Variants in TOX observed in about 807,000 individuals in gnomAD.
TOX encodes thymocyte selection associated high mobility group box, also known as thymocyte selection-associated high mobility group box protein TOX.
A neutral mutation model predicts 53.7 loss-of-function variants in TOX; 11 were observed. The ratio of observed to expected loss-of-function variants is 0.20; its 90% CI spans 0.13 to 0.34. TOX has a LOEUF of 0.34. Among genes scored for constraint, TOX ranks in the 10% least tolerant of loss-of-function variants. TOX has a pLI of 1.00. For synonymous variants in TOX, 225 were observed against 245.3 expected, an observed-to-expected ratio of 0.92 and a Z score of 0.77; for missense variants, 570 against 664.6, an observed-to-expected ratio of 0.86 and a Z score of 1.56.
intron 2 of TOX, among the ~76,000 whole-genome samples, chr8:58,957,551 A>G (rs1812731964): frequency 6.6e-6 from 1 of 152,180 alleles, no homozygotes; most frequent in Non-Finnish European, 1.5e-5. Context: ...GTGTACTTCC[A>G]TTTCTGGAGC....
intron 5 of TOX, 37 bp from the exon 6 acceptor site, chr8:58,826,939 C>A: frequency 6.3e-7 from 1 of 1,584,848 alleles, no homozygotes; most frequent in Admixed American, 1.8e-5. Flanking sequence ...TTAGAAAGTG[C>A]ATTTGCTTTT....
At chr8:59,109,220 C>T (rs10504285) in intron 1 of TOX, among the ~76,000 whole-genome samples, 19,123 of 152,048 alleles carry the variant, frequency 0.13, 1,448 homozygotes, top group East Asian at 0.26. Flanking sequence ...TTGGTACACA[C>T]CTACTTAATT....
intron 1 of TOX, among the ~76,000 whole-genome samples, chr8:59,019,282 T>C (rs911712873): frequency 6.6e-6 from 1 of 152,220 alleles, no homozygotes; most frequent in African/African-American, 2.4e-5. Context: ...GGGTATCATG[T>C]TTTAAACATG....
chr8:58,906,737 ATCTT>A (rs1811821817), intron 3 of TOX, among the ~76,000 whole-genome samples: 1 of 152,186 alleles, frequency 6.6e-6, no homozygotes, highest in Non-Finnish European at 1.5e-5. Flanking sequence ...TCTCAGTGAA[ATCTT>A]TGTCGTTAAC....
At chr8:59,022,698 T>C (rs577428218) in intron 1 of TOX, among the ~76,000 whole-genome samples, 1 of 152,302 alleles carries the variant, frequency 6.6e-6, no homozygotes, top group Admixed American at 6.5e-5. Flanking sequence ...TCATCTAAGA[T>C]GTCTAGGTGG....
At position 59,119,128 on chromosome 8, in the gene TOX, G is replaced by A. The variant is rs1414307497; in HGVS notation, c.-141C>T. On this transcript the variant is annotated 5_prime_UTR_variant, in exon 1 of 9. Transcript: ENST00000361421. ...CCTTCCTTCCCTCACATCCGTTTGT[G>A]GTTTGTTTAAGAAGAAGAGGAAAAA... 13 of 524,434 alleles carry A rather than the reference G, an allele frequency of 2.5e-5. No individual in the cohort carries two copies. The highest frequency in any genetic ancestry group is 2.5e-4 in the African/African-American group (12 of 48,636). 32.5% of individuals were successfully genotyped at this position (524,434 alleles called of 1,614,324 possible).
At chr8:59,052,793 C>T (rs981338487) in intron 1 of TOX, among the ~76,000 whole-genome samples, 1 of 152,246 alleles carries the variant, frequency 6.6e-6, no homozygotes. Context: ...ATATACCTCT[C>T]AAAGTGCTAT....
chr8:58,959,962 T>A lies in TOX; in HGVS notation c.149A>T (p.Asp50Val). ...MYMSMTEPSQ[D>V]YVPASQSYPG... ...ACCCACCTGGCTGGCTGGCACATAG[T>A]CCTGGCTCGGCTCTGTCATGCTCAT... The change falls in exon 2 of 9, where the codon GAC becomes GTC. Residue 50 changes from aspartate (D) to valine (V), a missense_variant. This residue lies in a region of TOX where 282 missense variants were observed against 315.0 expected (regional missense o/e 0.90). Coordinates refer to ENST00000361421, the MANE Select transcript of TOX (RefSeq NM_014729.3). 2 of 1,614,218 alleles carry A rather than the reference T, an allele frequency of 1.2e-6. No homozygotes were observed. The highest frequency in any genetic ancestry group is 1.7e-6 in the Non-Finnish European group (2 of 1,180,034).
intron 2 of TOX, among the ~76,000 whole-genome samples, chr8:58,940,866 C>T (rs571746387): frequency 1.3e-5 from 2 of 152,202 alleles, no homozygotes; most frequent in Non-Finnish European, 2.9e-5. Context: ...AAATGTTGTA[C>T]AAGTTTTGAT....
At chr8:58,885,500 G>A (rs116735151) in intron 3 of TOX, among the ~76,000 whole-genome samples, 2,433 of 152,140 alleles carry the variant, frequency 0.016, 63 homozygotes, top group African/African-American at 0.056. Flanking sequence ...AAATGAGCTC[G>A]TTCTGATGGT....
intron 1 of TOX, among the ~76,000 whole-genome samples, chr8:59,051,699 A>G (rs1178700288): frequency 6.6e-6 from 1 of 152,162 alleles, no homozygotes; most frequent in Non-Finnish European, 1.5e-5. Flanking sequence ...TTCGTAAACA[A>G]TCTGGGCATC....
At chr8:59,086,856 T>A (rs1443120650) in intron 1 of TOX, among the ~76,000 whole-genome samples, 2 of 152,196 alleles carry the variant, frequency 1.3e-5, no homozygotes, top group African/African-American at 2.4e-5. Flanking sequence ...ACTGACACAT[T>A]TATTTCTTGG....
chr8:59,020,328 C>T (rs189859943), intron 1 of TOX, among the ~76,000 whole-genome samples: 3 of 152,296 alleles, frequency 2.0e-5, no homozygotes, highest in Non-Finnish European at 4.4e-5. Flanking sequence ...ATAAGCTCAA[C>T]TATTAATATT....
At chr8:58,813,603 C>A (rs1326475520) in intron 7 of TOX, among the ~76,000 whole-genome samples, 1 of 152,166 alleles carries the variant, frequency 6.6e-6, no homozygotes, top group Non-Finnish European at 1.5e-5. Context: ...ATTTGACCCT[C>A]AGAATATAAC....
intron 1 of TOX, among the ~76,000 whole-genome samples, chr8:59,079,091 C>T (rs1230073702): frequency 6.6e-6 from 1 of 152,162 alleles, no homozygotes; most frequent in Non-Finnish European, 1.5e-5. Context: ...AGTAACTTGG[C>T]TGCTTCTAAC....
intron 1 of TOX, among the ~76,000 whole-genome samples, chr8:58,976,915 C>T (rs1308338953): frequency 6.6e-6 from 1 of 152,216 alleles, no homozygotes; most frequent in East Asian, 1.9e-4. Context: ...GATGTACTGT[C>T]ATCCAGCTAG....
chr8:58,925,328 A>G (rs1374265686), intron 3 of TOX, among the ~76,000 whole-genome samples: 1 of 152,228 alleles, frequency 6.6e-6, no homozygotes, highest in Non-Finnish European at 1.5e-5. Context: ...ACAATAGTAC[A>G]TTCAAGAGAA....
intron 3 of TOX, among the ~76,000 whole-genome samples, chr8:58,872,879 C>T (rs556072532): frequency 1.3e-5 from 2 of 152,196 alleles, no homozygotes; most frequent in African/African-American, 4.8e-5. Context: ...CAGTAAGAAG[C>T]TACCAATATT....
In TOX at chr8:59,118,946, A is replaced by G; in HGVS notation, c.42T>C (p.Ala14=). The G allele has an allele frequency of 1.2e-6, 2 of 1,602,794 alleles. No homozygotes were observed. The highest frequency in any genetic ancestry group is 2.3e-5 in the East Asian group (1 of 42,972). Reference sequence around the variant, plus strand: ...GTCCCAGACAGGGAGCGTCGGGCGCAGCGGCGGGCTGGGCTGGAGGTGGAT... The same window carrying G: ...GTCCCAGACAGGGAGCGTCGGGCGCGGCGGCGGGCTGGGCTGGAGGTGGAT... ...RFYPPPAQPA[A]APDAPCLGPS... is the part of the protein sequence containing the mutation. Residue 14 remains alanine (A), a synonymous_variant, in exon 1 of 9, where the codon GCT becomes GCC. Coordinates refer to ENST00000361421, the MANE Select transcript of TOX (RefSeq NM_014729.3). This position sits in a 1 kb window ranked among gnomAD's most constrained non-coding sequence, Gnocchi z 4.1.
Sources: allele counts gnomAD v4.1 joint callset (sites outside exome capture counted in the v4.1 genomes callset), GRCh38; gene constraint gnomAD v4.1.1; regional missense constraint gnomAD v4.1.1; non-coding constraint Gnocchi (gnomAD v3.1); transcripts MANE v1.5; gene names NCBI Gene and HGNC (gene_info 2026-07-23, HGNC 2026-07-21).